ACOX1: variants seen among roughly 807,000 people sequenced by gnomAD.
The protein encoded by ACOX1 is acyl-CoA oxidase 1.
A neutral mutation model predicts 75.5 loss-of-function variants in ACOX1; 41 were observed. The ratio of observed to expected loss-of-function variants is 0.54; its 90% CI spans 0.42 to 0.70. The LOEUF is 0.70. Ranked by LOEUF, ACOX1 falls within the 30% of genes least tolerant of loss-of-function variation. The probability of loss-of-function intolerance (pLI) is 0.00; values close to 1 mark genes in which losing one functional copy is unlikely to be tolerated. For missense variants in ACOX1, 630 were observed against 837.5 expected (o/e 0.75, Z 3.06); for synonymous variants, 303 against 298.8 (o/e 1.01, Z -0.15).
intron 13 of ACOX1, among the ~76,000 whole-genome samples, chr17:75,947,706 G>A (rs2144230604): frequency 7.2e-6 from 1 of 138,970 alleles, no homozygotes; most frequent in Non-Finnish European, 1.5e-5. Context: ...GTGTGTGTGT[G>A]TATACTTTTT....
At chr17:75,976,600 T>C (rs747202963) in intron 2 of ACOX1, among the ~76,000 whole-genome samples, 4 of 152,216 alleles carry the variant, frequency 2.6e-5, no homozygotes, top group Admixed American at 2.6e-4. Context: ...TTTGGAAGTA[T>C]GCTGATTTGA....
chr17:75,952,722 C>T (rs928501023), intron 7 of ACOX1, among the ~76,000 whole-genome samples: 1 of 151,006 alleles, frequency 6.6e-6, no homozygotes, highest in Non-Finnish European at 1.5e-5. Context: ...CCCAGCTACT[C>T]AGGAGGCTGA....
At chr17:75,969,907 G>A (rs1280898372) in intron 2 of ACOX1, among the ~76,000 whole-genome samples, 3 of 152,020 alleles carry the variant, frequency 2.0e-5, no homozygotes, top group Admixed American at 6.6e-5. Context: ...GAAAGAGGCC[G>A]GGTGCAGTGG....
At chr17:75,952,483 G>T (rs1343536958) in intron 7 of ACOX1, among the ~76,000 whole-genome samples, 1 of 151,528 alleles carries the variant, frequency 6.6e-6, no homozygotes, top group African/African-American at 2.4e-5. Flanking sequence ...TAGTAGACGT[G>T]GGGTTTCTCC....
chr17:75,965,154 G>C (rs371895719), intron 2 of ACOX1, among the ~76,000 whole-genome samples: 3 of 151,936 alleles, frequency 2.0e-5, no homozygotes, highest in Admixed American at 6.6e-5. Flanking sequence ...TGGCTAACAC[G>C]GCGAAACCCC....
In ACOX1 at chr17:75,951,526, A is replaced by G. The variant is rs947994925; in HGVS notation, c.996T>C (p.Phe332=). ...LDFQTQQYKL[F]PLLATAYAFQ... ...AGGCATAGGCAGTGGCCAGGAGTGGAAAGAGTTTATACTGCTGGGTTTGAA... is the reference window on the plus strand; with the variant it reads ...AGGCATAGGCAGTGGCCAGGAGTGGGAAGAGTTTATACTGCTGGGTTTGAA... Residue 332 remains phenylalanine, a synonymous_variant, in exon 8 of 14, where the codon TTT becomes TTC. Transcript: ENST00000293217. 4.3e-6 allele frequency: 7 copies of G among 1,614,178 alleles called. No individual in the cohort carries two copies. The highest frequency in any genetic ancestry group is 5.9e-6 in the Non-Finnish European group (7 of 1,180,018).
At position 75,943,216 on chromosome 17, in the gene ACOX1, CAA is replaced by C. The variant is rs572895309; in HGVS notation, c.*3530_*3531del. ...CATTCCCGCCTGGGAGACTCCATCT[CAA>C]AAAAAAAAAAAAAAAAATTAACATG... is the stretch of plus-strand genomic sequence containing the variant. On this transcript the variant is annotated 3_prime_UTR_variant, in exon 14 of 14. Coordinates refer to ENST00000293217, the MANE Select transcript of ACOX1 (RefSeq NM_004035.7). 7,995 of 107,818 alleles carry C rather than the reference CAA, an allele frequency of 0.074. 284 individuals are homozygous for C. The highest frequency in any genetic ancestry group is 0.13 in the South Asian group (432 of 3,280). The allele number at this position is 107,818 out of a possible 1,614,324, so 6.7% of individuals were successfully genotyped here.
At chr17:75,970,409 G>A (rs2065983389) in intron 2 of ACOX1, among the ~76,000 whole-genome samples, 1 of 152,104 alleles carries the variant, frequency 6.6e-6, no homozygotes, top group South Asian at 2.1e-4. Flanking sequence ...CTCCAGGGAG[G>A]TGAGCCTATC....
At chr17:75,967,707 C>CGT (rs1440498268) in intron 2 of ACOX1, among the ~76,000 whole-genome samples, 1 of 121,018 alleles carries the variant, frequency 8.3e-6, no homozygotes, top group Non-Finnish European at 1.7e-5. Context: ...CATATATATA[C>CGT]ATATATATAT....
chr17:75,973,284 A>G, intron 2 of ACOX1: 1 of 342,602 alleles, frequency 2.9e-6, no homozygotes, highest in Non-Finnish European at 5.6e-6. Context: ...CTTTCCAGAT[A>G]TTGCTGAGGC....
At chr17:75,966,227 G>A (rs1463889496) in intron 2 of ACOX1, among the ~76,000 whole-genome samples, 1 of 151,848 alleles carries the variant, frequency 6.6e-6, no homozygotes, top group Non-Finnish European at 1.5e-5. Flanking sequence ...GGGAGGCTGA[G>A]GTGGGTGGAT....
chr17:75,977,644 C>A (rs1336248131), intron 2 of ACOX1, among the ~76,000 whole-genome samples: 1 of 152,116 alleles, frequency 6.6e-6, no homozygotes, highest in Non-Finnish European at 1.5e-5. Context: ...ACACTAGAAC[C>A]AAGGCAGGTT....
At chr17:75,955,508 TA>T in intron 6 of ACOX1, 57 bp downstream of exon 6, 2 of 1,380,004 alleles carry the variant, frequency 1.4e-6, no homozygotes, top group Non-Finnish European at 2.1e-6. Context: ...CTATTGTGAG[TA>T]ACAGCCACTC....
In ACOX1 at chr17:75,949,872, C is replaced by T; in HGVS notation, c.1324G>A (p.Val442Met). 6.2e-7 allele frequency: 1 copy of T among 1,614,208 alleles called. No individual in the cohort carries two copies. The highest frequency in any genetic ancestry group is 1.6e-4 in the Middle Eastern group (1 of 6,062). ...ARFLMKSYDQ[V>M]HSGKLVCGMV... ...CCACACACCAACTTTCCTGAGTGCA[C>T]CTGATCATAACTTTTCATCAGGAAC... Residue 442 changes from valine (V) to methionine (M), a missense_variant, in exon 10 of 14, where the codon GTG becomes ATG. Around this residue, in one of 2 missense-constraint regions of ACOX1, gnomAD observed 240 missense variants for 262.7 expected, o/e 0.91. Transcript: ENST00000293217.
At chr17:75,952,541 G>A (rs1246977724) in intron 7 of ACOX1, among the ~76,000 whole-genome samples, 3 of 151,892 alleles carry the variant, frequency 2.0e-5, no homozygotes, top group South Asian at 2.1e-4. Flanking sequence ...TGATCCACCC[G>A]CTTTGGCCTC....
chr17:75,953,516 C>G lies in ACOX1; in HGVS notation c.879G>C (p.Leu293=). The G allele has an allele frequency of 6.2e-7, 1 of 1,614,182 alleles. No individual in the cohort carries two copies. The highest frequency in any genetic ancestry group is 8.5e-7 in the Non-Finnish European group (1 of 1,180,014). Residue 293 remains leucine, a synonymous_variant, in exon 7 of 14, where the codon CTG becomes CTC. Transcript: ENST00000293217. ...GGATGGCAATGGTGCACGCCTTAGACAGAGCCCGAGCAGCTTCTCCCACAA... is the reference window on the plus strand; with the variant it reads ...GGATGGCAATGGTGCACGCCTTAGAGAGAGCCCGAGCAGCTTCTCCCACAA... ...SFLVGEAARA[L]SKACTIAIRY...
At chr17:75,956,020 A>G (rs2065821589) in intron 4 of ACOX1, 73 bp from the exon 5 acceptor site, 1 of 1,597,456 alleles carries the variant, frequency 6.3e-7, no homozygotes, top group East Asian at 2.2e-5. Flanking sequence ...AAAAAGAAGA[A>G]AGAATATGTT....
intron 11 of ACOX1, 21 bp from the exon 12 acceptor site, chr17:75,949,381 C>T (rs8064613): frequency 6.2e-7 from 1 of 1,613,914 alleles, no homozygotes; most frequent in Non-Finnish European, 8.5e-7. Context: ...AAAGAAAACA[C>T]CAGAGTTTGA....
Position 75,950,666 on chromosome 17 carries a change from G to T in ACOX1, c.1298+108C>A. 2 of 1,277,410 alleles carry T rather than the reference G, an allele frequency of 1.6e-6. No individual in the cohort carries two copies. Among genetic ancestry groups the T allele is most frequent in the Non-Finnish European group, 2.2e-6 (2 of 892,394 alleles). 79.1% of individuals were successfully genotyped at this position (1,277,410 alleles called of 1,614,324 possible). ...TGGAAGGCAAAAGTATACCTTTCAG[G>T]AACAAATATATATATACGGTGAAGA... On this transcript the variant is annotated intron_variant, in intron 9 of 13. Transcript: ENST00000293217. The surrounding 1 kb of genome is among the most constrained non-coding windows in gnomAD (Gnocchi z 4.3).
Sources: gnomAD v4.1 joint callset for allele counts (sites outside exome capture counted in the v4.1 genomes callset) on GRCh38, gnomAD v4.1.1 for gene constraint, gnomAD v4.1.1 regional missense constraint, Gnocchi (gnomAD v3.1) non-coding constraint, MANE v1.5 for transcripts, NCBI Gene and HGNC (gene_info 2026-07-23, HGNC 2026-07-21) for gene names.